Variants in LAMTOR1 observed in about 807,000 individuals in gnomAD.
LAMTOR1 encodes the protein late endosomal/lysosomal adaptor, MAPK and MTOR activator 1, also known as ragulator complex protein LAMTOR1.
A neutral mutation model predicts 20.5 loss-of-function variants in LAMTOR1; 8 were observed. That is an observed-to-expected ratio of 0.39 (90% CI 0.23 to 0.70). LAMTOR1 has a LOEUF of 0.70. LAMTOR1 is among the 30% of genes least tolerant of loss of function. The probability of loss-of-function intolerance (pLI) is 0.43; values close to 1 mark genes in which losing one functional copy is unlikely to be tolerated. For synonymous variants in LAMTOR1, 77 were observed against 80.9 expected, an observed-to-expected ratio of 0.95 and a Z score of 0.26; for missense variants, 135 against 206.2, an observed-to-expected ratio of 0.65 and a Z score of 2.11.
At position 72,097,699 on chromosome 11, in the gene LAMTOR1, C is replaced by G; in HGVS notation, c.*123G>C. 6.4e-7 allele frequency: 1 copy of G among 1,561,822 alleles called. No homozygotes were observed. The highest frequency in any genetic ancestry group is 8.7e-7 in the Non-Finnish European group (1 of 1,152,114). On this transcript the variant is annotated 3_prime_UTR_variant, in exon 5 of 5. Transcript: ENST00000278671. ...GCCTTCCTCTTCTCCTCCTTCTTCA[C>G]ATTTTTCTCTGTGATTAGTAGCAGG...
Position 72,097,348 on chromosome 11 carries a change from C to T in LAMTOR1, c.*474G>A, listed in dbSNP as rs958657490. On this transcript the variant is annotated 3_prime_UTR_variant, in exon 5 of 5. Coordinates refer to ENST00000278671, the MANE Select transcript of LAMTOR1 (RefSeq NM_017907.3). ...CAAACCAAAACAAAAAAAGACCAAA[C>T]ATGTAAAAACCCAGGGTTCTAGAAA... 1.0e-6 allele frequency: 1 copy of T among 995,630 alleles called. No homozygotes were observed. The highest frequency in any genetic ancestry group is 1.2e-6 in the Non-Finnish European group (1 of 835,340). 61.7% of individuals were successfully genotyped at this position (995,630 alleles called of 1,614,324 possible). A position where few individuals can be genotyped will look rare whatever the true frequency, so the allele number is the denominator to read the frequency against.
At chr11:72,097,945 AAC>A in intron 4 of LAMTOR1, 31 bp from the exon 5 acceptor site, 1 of 1,560,264 alleles carries the variant, frequency 6.4e-7, no homozygotes, top group Non-Finnish European at 8.7e-7. Context: ...GGAGGAGAGG[AAC>A]AGAGACAGGT....
At chr11:72,102,978 C>T (rs1945500919) in intron 1 of LAMTOR1, among the ~76,000 whole-genome samples, 2 of 152,254 alleles carry the variant, frequency 1.3e-5, no homozygotes, top group South Asian at 4.1e-4. Context: ...TGCCTGCACA[C>T]CCCGAGGCGG....
chr11:72,103,253 G>A lies in LAMTOR1; in HGVS notation c.-29C>T, dbSNP rs1945520570. The A allele has an allele frequency of 1.9e-6, 3 of 1,550,756 alleles. No individual in the cohort carries two copies. Among genetic ancestry groups the A allele is most frequent in the Non-Finnish European group, 2.6e-6 (3 of 1,146,894 alleles). ...CGGGGTCGGGCCGGGCGCTCAGGCCGCGCCGAGGAGGGACGGCGTCCGTGA... is the reference window on the plus strand; with the variant it reads ...CGGGGTCGGGCCGGGCGCTCAGGCCACGCCGAGGAGGGACGGCGTCCGTGA... On this transcript the variant is annotated 5_prime_UTR_variant, in exon 1 of 5. Transcript: ENST00000278671.
chr11:72,098,724 G>T, intron 3 of LAMTOR1, 57 bp downstream of exon 3: 1 of 1,286,102 alleles, frequency 7.8e-7, no homozygotes. Flanking sequence ...AGCTGGAACA[G>T]TGATGGAGGG....
At position 72,099,236 on chromosome 11, in the gene LAMTOR1, C is replaced by A. The variant is rs1243856949; in HGVS notation, c.63G>T (p.Leu21=). ...TAGGGGGGCTGCTAGGGTCCAGCAG[C>A]AGCTTCCGCTCCTCTCGGTCCTAGA... is the stretch of plus-strand genomic sequence containing the variant. ...DSDQDREERK[L]LLDPSSPPTK... Residue 21 remains leucine (L), a synonymous_variant, in exon 2 of 5, where the codon CTG becomes CTT. Transcript: ENST00000278671. 6.3e-7 allele frequency: 1 copy of A among 1,591,788 alleles called. No homozygotes were observed. The highest frequency in any genetic ancestry group is 8.6e-7 in the Non-Finnish European group (1 of 1,167,104).
At chr11:72,098,173 T>C (rs1319999450) in intron 4 of LAMTOR1, 116 bp downstream of exon 4, 4 of 1,376,882 alleles carry the variant, frequency 2.9e-6, no homozygotes, top group Non-Finnish European at 4.0e-6. Context: ...CCTACAAGGC[T>C]ACCAGGCTCC....
Position 72,097,301 on chromosome 11 carries a change from A to G in LAMTOR1, c.*521T>C, listed in dbSNP as rs141129834. On this transcript the variant is annotated 3_prime_UTR_variant, in exon 5 of 5. Coordinates refer to ENST00000278671, the MANE Select transcript of LAMTOR1 (RefSeq NM_017907.3). ...GGCCAGAACCAGCACATGGATGAAT[A>G]TACTTCCTTTATCGAGGGTGACAAA... 1.5e-4 allele frequency: 153 copies of G among 995,640 alleles called. No individual in the cohort carries two copies. In the Middle Eastern group the frequency reaches 2.1e-3, roughly 14 times the overall value. The allele number at this position is 995,640 out of a possible 1,614,324, so 61.7% of individuals were successfully genotyped here.
chr11:72,097,623 G>A lies in LAMTOR1; in HGVS notation c.*199C>T. The A allele has an allele frequency of 7.2e-7, 1 of 1,395,890 alleles. No homozygotes were observed. The highest frequency in any genetic ancestry group is 9.3e-7 in the Non-Finnish European group (1 of 1,073,818). The allele number at this position is 1,395,890 out of a possible 1,614,324, so 86.5% of individuals were successfully genotyped here. On this transcript the variant is annotated 3_prime_UTR_variant, in exon 5 of 5. Transcript: ENST00000278671. Reference sequence around the variant, plus strand: ...GGCCCCCACCCCATCCCTGGCCAGAGCTTCAAAGGCCAGTCCCAAAAGGTT... The same window carrying A: ...GGCCCCCACCCCATCCCTGGCCAGAACTTCAAAGGCCAGTCCCAAAAGGTT...
In LAMTOR1 at chr11:72,103,170, G is replaced by A. The variant is rs371986046; in HGVS notation, c.42+13C>T. ...TAGCCCTCATTCCCGAGCCCCGCCT[G>A]CCGCGGCCGCACCTGGTCCGAGTCC... is the stretch of plus-strand genomic sequence containing the variant. On this transcript the variant is annotated intron_variant, in intron 1 of 4. Coordinates refer to ENST00000278671, the MANE Select transcript of LAMTOR1 (RefSeq NM_017907.3). 9.5e-6 allele frequency: 15 copies of A among 1,586,386 alleles called. No individual in the cohort carries two copies. Among genetic ancestry groups the A allele is most frequent in the Non-Finnish European group, 1.3e-5 (15 of 1,166,154 alleles).
chr11:72,103,102 C>A (rs1945509536), intron 1 of LAMTOR1, 81 bp downstream of exon 1: 2 of 1,514,088 alleles, frequency 1.3e-6, no homozygotes, highest in Non-Finnish European at 9.0e-7. Context: ...TCCGGCTGCC[C>A]GTCCTCCGCA....
intron 4 of LAMTOR1, 108 bp from the exon 5 acceptor site, chr11:72,098,022 G>A (rs1945291905): frequency 2.2e-6 from 3 of 1,357,078 alleles, no homozygotes; most frequent in African/African-American, 2.9e-5. Flanking sequence ...AGGGAATGAA[G>A]GGGAACAGGA....
rs537570879 is a variant in LAMTOR1, at chr11:72,098,013, G to A, written c.394-99C>T. 1.9e-4 allele frequency: 267 copies of A among 1,385,004 alleles called. 1 individual carries two copies. The African/African-American group carries it at 3.7e-3, about 19-fold the overall frequency. The allele number at this position is 1,385,004 out of a possible 1,614,324, so 85.8% of individuals were successfully genotyped here. ...GAGATTAGATGGTGATGGAGAAGGA[G>A]GGAATGAAGGGGAACAGGAAGGCAA... On this transcript the variant is annotated intron_variant, in intron 4 of 4. Coordinates refer to ENST00000278671, the MANE Select transcript of LAMTOR1 (RefSeq NM_017907.3).
Position 72,098,765 on chromosome 11 carries a change from C to G in LAMTOR1, c.266+16G>C. Reference sequence around the variant, plus strand: ...GCCCAAGTAGCCTGAGGGACCCACGCTGGCCAGGTGCTCACCTGTACTGCC... The same window carrying G: ...GCCCAAGTAGCCTGAGGGACCCACGGTGGCCAGGTGCTCACCTGTACTGCC... On this transcript the variant is annotated intron_variant, in intron 3 of 4. Transcript: ENST00000278671. 1 of 1,530,338 alleles carries G rather than the reference C, an allele frequency of 6.5e-7. No individual in the cohort carries two copies. Among genetic ancestry groups the G allele is most frequent in the Non-Finnish European group, 8.8e-7 (1 of 1,136,172 alleles). 94.8% of individuals were successfully genotyped at this position (1,530,338 alleles called of 1,614,324 possible). A position where few individuals can be genotyped will look rare whatever the true frequency, so the allele number is the denominator to read the frequency against.
At chr11:72,099,294 C>T (rs763974909) in intron 1 of LAMTOR1, 38 bp from the exon 2 acceptor site, 9 of 1,514,364 alleles carry the variant, frequency 5.9e-6, no homozygotes, top group Non-Finnish European at 7.1e-6. Flanking sequence ...GCCCCAGGAC[C>T]CGTAGATCCT....
At chr11:72,102,938 G>A (rs554261835) in intron 1 of LAMTOR1, among the ~76,000 whole-genome samples, 20 of 152,380 alleles carry the variant, frequency 1.3e-4, no homozygotes, top group African/African-American at 4.3e-4. Context: ...GGAGCAAACG[G>A]AAGTGGTGGG....
rs1213711896 is a variant in LAMTOR1, at chr11:72,097,400, G to A, written c.*422C>T. 1.0e-6 allele frequency: 1 copy of A among 1,003,362 alleles called. No individual in the cohort carries two copies. Among genetic ancestry groups the A allele is most frequent in the Non-Finnish European group, 1.2e-6 (1 of 840,446 alleles). The allele number at this position is 1,003,362 out of a possible 1,614,324, so 62.2% of individuals were successfully genotyped here. ...ACAAACTCAATTCATTCAAATTCAA[G>A]CTCATCCAGACCCTGGTCACAAACC... is the stretch of plus-strand genomic sequence containing the variant. On this transcript the variant is annotated 3_prime_UTR_variant, in exon 5 of 5. Coordinates refer to ENST00000278671, the MANE Select transcript of LAMTOR1 (RefSeq NM_017907.3).
chr11:72,098,392 C>T lies in LAMTOR1; in HGVS notation c.290G>A (p.Ser97Asn). 1 of 1,612,034 alleles carries T rather than the reference C, an allele frequency of 6.2e-7. No individual in the cohort carries two copies. Among genetic ancestry groups the T allele is most frequent in the East Asian group, 2.2e-5 (1 of 44,788 alleles). ...CAGCTTCTTCCAATGGGTCAGGCTG[C>T]TGCTCAGCACAGCCAAGCGGGTGCT... Reference protein sequence around the residue: ...QYSTRLAVLSSSLTHWKKLPP... With the variant: ...QYSTRLAVLSNSLTHWKKLPP... Residue 97 changes from serine to asparagine, a missense_variant, in exon 4 of 5, where the codon AGC becomes AAC. Physicochemically the swap from Ser to Asn is conservative, Grantham distance 46. Transcript: ENST00000278671.
chr11:72,103,038 C>G, intron 1 of LAMTOR1, 145 bp downstream of exon 1: 1 of 1,099,130 alleles, frequency 9.1e-7, no homozygotes, highest in Non-Finnish European at 1.3e-6. Context: ...CCCGGCTTGG[C>G]GTCTCCTCTG....
Sources: allele counts gnomAD v4.1 joint callset (sites outside exome capture counted in the v4.1 genomes callset), GRCh38; gene constraint gnomAD v4.1.1; transcripts MANE v1.5; gene names NCBI Gene and HGNC (gene_info 2026-07-23, HGNC 2026-07-21).